SFMBT2: variants seen among roughly 807,000 people sequenced by gnomAD.
SFMBT2 encodes the protein scm-like with four MBT domains protein 2.
A neutral mutation model predicts 110.1 loss-of-function variants in SFMBT2; 38 were observed. The observed-to-expected ratio is 0.35, with a 90% CI of 0.27 to 0.45. SFMBT2 has a LOEUF of 0.45. Among genes scored for constraint, SFMBT2 ranks in the 20% least tolerant of loss-of-function variants. SFMBT2 has a pLI of 1.00. For missense variants in SFMBT2, 1,011 were observed against 1,094.9 expected (o/e 0.92, Z 1.08); for synonymous variants, 425 against 425.4 (o/e 1.00, Z 0.01).
chr10:7,282,585 G>GGT (rs1321793345), intron 6 of SFMBT2, among the ~76,000 whole-genome samples: 1 of 152,170 alleles, frequency 6.6e-6, no homozygotes, highest in Non-Finnish European at 1.5e-5. Context: ...TAGAGATGGA[G>GGT]GTGTTGGCTG....
chr10:7,349,440 CTTTTTTTT>C lies in SFMBT2; in HGVS notation c.436+18201_436+18208del, dbSNP rs369479041. ...CCCTGACTCTTTTTTCTTTTCTTTT[CTTTTTTTT>C]TTTTTTTTTTTTTTTTTTGCGGGGG... On this transcript the variant is annotated intron_variant, in intron 4 of 20. Transcript: ENST00000397167. Among the ~76,000 whole-genome samples the C allele has an allele frequency of 4.7e-4, 22 of 46,890 alleles. 1 individual carries two copies. The South Asian group carries it at 0.016, about 34-fold the overall frequency. The allele number at this position is 46,890 out of a possible 152,430, so 30.8% of individuals were successfully genotyped here.
intron 7 of SFMBT2, among the ~76,000 whole-genome samples, chr10:7,269,707 AGTGTGTGCGTGTGT>A (rs1221479036): frequency 0.032 from 4,674 of 146,392 alleles, 168 homozygotes; most frequent in African/African-American, 0.089. Flanking sequence ...AAAGCAAGTA[AGTGTGTGCGTGTGT>A]GTGTGTGTGT....
intron 4 of SFMBT2, among the ~76,000 whole-genome samples, chr10:7,313,932 T>G (rs1338686917): frequency 6.6e-6 from 1 of 152,242 alleles, no homozygotes; most frequent in Non-Finnish European, 1.5e-5. Context: ...TGCACAGCTT[T>G]TCTGCAGTTA....
chr10:7,332,488 A>C (rs1843591197), intron 4 of SFMBT2, among the ~76,000 whole-genome samples: 1 of 152,224 alleles, frequency 6.6e-6, no homozygotes, highest in Non-Finnish European at 1.5e-5. Flanking sequence ...ATTGTTCAAT[A>C]AGTTAACTTT....
chr10:7,278,590 G>A (rs1841853363), intron 6 of SFMBT2, among the ~76,000 whole-genome samples: 1 of 152,186 alleles, frequency 6.6e-6, no homozygotes, highest in South Asian at 2.1e-4. Context: ...CAGATGGAGA[G>A]TTCAACCTGG....
chr10:7,246,102 C>A, intron 8 of SFMBT2: 2 of 966,446 alleles, frequency 2.1e-6, no homozygotes, highest in Non-Finnish European at 2.5e-6. Context: ...GATGCACATA[C>A]CCCAATCCAT....
chr10:7,248,750 T>G, intron 7 of SFMBT2, 101 bp from the exon 8 acceptor site: 4 of 923,144 alleles, frequency 4.3e-6, no homozygotes, highest in Admixed American at 4.7e-5. Context: ...GCAACCAAAA[T>G]CTTATGGAGA....
At chr10:7,361,745 T>C (rs1564458308) in intron 4 of SFMBT2, among the ~76,000 whole-genome samples, 3 of 152,192 alleles carry the variant, frequency 2.0e-5, no homozygotes. Context: ...GGCACTATAA[T>C]TCCAACACTT....
At chr10:7,351,882 T>A (rs376196402) in intron 4 of SFMBT2, among the ~76,000 whole-genome samples, 3,392 of 147,476 alleles carry the variant, frequency 0.023, 29 homozygotes, top group Middle Eastern at 0.031. Context: ...AAAAAAAAAA[T>A]ATATATATAT....
chr10:7,266,449 A>G (rs1475193474), intron 7 of SFMBT2, among the ~76,000 whole-genome samples: 2 of 152,302 alleles, frequency 1.3e-5, no homozygotes, highest in Admixed American at 1.3e-4. Context: ...CCATGCAGGA[A>G]TCTGGGGGTG....
chr10:7,218,918 T>C (rs564037478), intron 11 of SFMBT2, among the ~76,000 whole-genome samples: 2 of 152,298 alleles, frequency 1.3e-5, no homozygotes, highest in Middle Eastern at 3.4e-3. Flanking sequence ...GCTGTTTCTG[T>C]TAGGTAATTA....
At chr10:7,244,253 G>A (rs1262455708) in intron 8 of SFMBT2, 1 of 243,454 alleles carries the variant, frequency 4.1e-6, no homozygotes, top group Non-Finnish European at 6.6e-6. Context: ...CCAATGCCAT[G>A]TTTAAGCTAT....
intron 15 of SFMBT2, among the ~76,000 whole-genome samples, chr10:7,192,022 AAAT>A (rs1382879420): frequency 6.6e-6 from 1 of 152,146 alleles, no homozygotes; most frequent in Non-Finnish European, 1.5e-5. Flanking sequence ...CTCTATGAGA[AAAT>A]AATAAAGAAA....
intron 7 of SFMBT2, among the ~76,000 whole-genome samples, chr10:7,269,750 GTGTGTGTGTC>G (rs1429575414): frequency 5.1e-4 from 71 of 139,478 alleles, no homozygotes; most frequent in Middle Eastern, 7.9e-3. Flanking sequence ...GTGTGTGTGT[GTGTGTGTGTC>G]TCTTTTTGGA....
At chr10:7,251,704 C>G (rs968334859) in intron 7 of SFMBT2, among the ~76,000 whole-genome samples, 2 of 152,212 alleles carry the variant, frequency 1.3e-5, no homozygotes, top group African/African-American at 4.8e-5. Flanking sequence ...GAGGTGCCCT[C>G]AGTCACTCCC....
chr10:7,283,164 G>A (rs538468414), intron 6 of SFMBT2, among the ~76,000 whole-genome samples: 33 of 152,308 alleles, frequency 2.2e-4, no homozygotes, highest in South Asian at 1.4e-3. Context: ...TGTACCAGAT[G>A]TAAAATCACC....
chr10:7,380,664 T>TA (rs34392672), intron 2 of SFMBT2, among the ~76,000 whole-genome samples: 2 of 151,932 alleles, frequency 1.3e-5, no homozygotes, highest in Non-Finnish European at 2.9e-5. Context: ...CTTTTTTTTT[T>TA]AAAGGTATCC....
chr10:7,313,455 G>A (rs1270172716), intron 4 of SFMBT2, among the ~76,000 whole-genome samples: 1 of 152,086 alleles, frequency 6.6e-6, no homozygotes, highest in Admixed American at 6.5e-5. Context: ...GTAGCTGGGA[G>A]TACAGGTGAA....
chr10:7,197,901 A>G (rs977455340), intron 14 of SFMBT2: 1 of 890,750 alleles, frequency 1.1e-6, no homozygotes, highest in South Asian at 5.2e-5. Flanking sequence ...TGTAATTAGG[A>G]GGCCACACTC....
Sources: allele counts gnomAD v4.1 joint callset (sites outside exome capture counted in the v4.1 genomes callset), GRCh38; gene constraint gnomAD v4.1.1; transcripts MANE v1.5; gene names NCBI Gene and HGNC (gene_info 2026-07-23, HGNC 2026-07-21).